EYS: variants seen among roughly 807,000 people sequenced by gnomAD.
EYS encodes the protein EGF-like photoreceptor maintenance factor, also known as protein eyes shut homolog.
Under a neutral mutation model 282.1 loss-of-function variants are expected in EYS, and 250 were observed. The ratio of observed to expected loss-of-function variants is 0.89; its 90% confidence interval spans 0.80 to 0.98. The LOEUF (loss-of-function observed/expected upper bound fraction) is 0.98, where lower values mean the gene tolerates loss of function less well. Ranked by LOEUF, EYS falls within the 50% of genes least tolerant of loss-of-function variation. The pLI is 0.00. For synonymous variants in EYS, 1,355 were observed against 1,282.9 expected, an observed-to-expected ratio of 1.06 and a Z score of -1.20; for missense variants, 4,016 against 3,709.0, an observed-to-expected ratio of 1.08 and a Z score of -2.15.
chr6:65,176,813 T>C (rs1765237293), intron 12 of EYS, among the ~76,000 whole-genome samples: 2 of 151,696 alleles, frequency 1.3e-5, no homozygotes, highest in African/African-American at 2.4e-5. Context: ...GGTAACATCA[T>C]TTGAAATTAT....
intron 8 of EYS, among the ~76,000 whole-genome samples, chr6:65,373,044 G>T (rs1274335138): frequency 6.6e-6 from 1 of 151,960 alleles, no homozygotes; most frequent in Non-Finnish European, 1.5e-5. Flanking sequence ...TATTAAATTT[G>T]TTGGTTTATT....
At chr6:65,569,738 A>G (rs1764411742) in intron 2 of EYS, among the ~76,000 whole-genome samples, 1 of 152,040 alleles carries the variant, frequency 6.6e-6, no homozygotes, top group Non-Finnish European at 1.5e-5. Flanking sequence ...CTCTGATTTT[A>G]TCTCCAACCC....
intron 26 of EYS, among the ~76,000 whole-genome samples, chr6:64,456,281 G>A (rs1446660906): frequency 1.3e-5 from 2 of 152,016 alleles, no homozygotes; most frequent in Admixed American, 1.3e-4. Flanking sequence ...AGTTGAAAAG[G>A]ACTGACTTCA....
intron 31 of EYS, among the ~76,000 whole-genome samples, chr6:64,109,004 C>T (rs1181847225): frequency 2.6e-5 from 4 of 152,032 alleles, no homozygotes; most frequent in Non-Finnish European, 4.4e-5. Flanking sequence ...GTAAAGGTCA[C>T]GTAACACTCT....
rs755852518 is a variant in EYS at position 64,081,836 on chromosome 6, G to C, written c.6571+20C>G. 1 of 1,455,576 alleles carries C rather than the reference G, an allele frequency of 6.9e-7. No homozygotes were observed. The highest frequency in any genetic ancestry group is 1.4e-5 in the South Asian group (1 of 72,348). The allele number at this position is 1,455,576 out of a possible 1,614,324, so 90.2% of individuals were successfully genotyped here. On this transcript the variant is annotated intron_variant, in intron 32 of 42. Coordinates refer to ENST00000503581, the MANE Select transcript of EYS (RefSeq NM_001142800.2). ...GAGAAAGAAACATGACATACAAGAA[G>C]TCAAACATTTAATACTCACTGTAAA...
At chr6:65,442,419 T>C (rs186373868) in intron 5 of EYS, among the ~76,000 whole-genome samples, 5 of 152,180 alleles carry the variant, frequency 3.3e-5, no homozygotes, top group Admixed American at 3.3e-4. Context: ...AAGGCAATTT[T>C]ATTACTTCAT....
intron 1 of EYS, among the ~76,000 whole-genome samples, chr6:65,652,047 T>C (rs1298808011): frequency 6.6e-6 from 1 of 151,838 alleles, no homozygotes; most frequent in Non-Finnish European, 1.5e-5. Flanking sequence ...TTCTGATGTA[T>C]GTAGAATTAA....
At chr6:65,422,427 T>C (rs1265739225) in intron 5 of EYS, among the ~76,000 whole-genome samples, 2 of 151,816 alleles carry the variant, frequency 1.3e-5, no homozygotes, top group Non-Finnish European at 2.9e-5. Context: ...CAGAACCAAA[T>C]TGGATCCACT....
In EYS at chr6:64,441,949, T is replaced by G. The variant is rs1350525726; in HGVS notation, c.5645-2597A>C. 3.9e-5 allele frequency among the ~76,000 whole-genome samples: 6 copies of G among 152,082 alleles called. No individual in the cohort carries two copies. In the East Asian group the frequency reaches 1.2e-3, roughly 29 times the overall value. ...ATGCAGTAAATTGGTACCAGTAGAG[T>G]GGGCACTGCTGAAAAGATACCTGAA... On this transcript the variant is annotated intron_variant, in intron 26 of 42. Coordinates refer to ENST00000503581, the MANE Select transcript of EYS (RefSeq NM_001142800.2).
At chr6:63,966,591 G>GGTGAAA (rs1437560040) in intron 35 of EYS, among the ~76,000 whole-genome samples, 2 of 152,186 alleles carry the variant, frequency 1.3e-5, no homozygotes, top group African/African-American at 4.8e-5. Context: ...AGCAGTAAAG[G>GGTGAAA]GTGAAAGTAT....
At chr6:64,060,730 CT>C (rs890469533) in intron 33 of EYS, among the ~76,000 whole-genome samples, 1 of 151,968 alleles carries the variant, frequency 6.6e-6, no homozygotes, top group Non-Finnish European at 1.5e-5. Context: ...AAAATTAGTC[CT>C]TTTATAAAAC....
At chr6:63,754,647 A>G (rs1769430693) in intron 41 of EYS, among the ~76,000 whole-genome samples, 1 of 152,218 alleles carries the variant, frequency 6.6e-6, no homozygotes, top group African/African-American at 2.4e-5. Flanking sequence ...TGCCACAATA[A>G]ACATACGTGT....
intron 1 of EYS, among the ~76,000 whole-genome samples, chr6:65,649,020 C>T (rs906796512): frequency 6.6e-6 from 1 of 151,510 alleles, no homozygotes; most frequent in Non-Finnish European, 1.5e-5. Flanking sequence ...GTGGCACACA[C>T]CTGTAGTCTC....
intron 30 of EYS, among the ~76,000 whole-genome samples, chr6:64,282,717 C>T (rs962418282): frequency 2.6e-5 from 4 of 152,144 alleles, no homozygotes; most frequent in African/African-American, 9.7e-5. Flanking sequence ...TGGAATAGCA[C>T]CCTAGGTCAA....
At chr6:64,101,848 T>G (rs576911130) in intron 31 of EYS, among the ~76,000 whole-genome samples, 6 of 152,018 alleles carry the variant, frequency 3.9e-5, no homozygotes, top group Admixed American at 1.3e-4. Context: ...TGAGCTTGTT[T>G]TCCTGCAACT....
At chr6:63,734,499 C>T (rs1028905500) in intron 41 of EYS, among the ~76,000 whole-genome samples, 1 of 152,036 alleles carries the variant, frequency 6.6e-6, no homozygotes, top group Non-Finnish European at 1.5e-5. Context: ...GAACAGGGCA[C>T]TCCCTATCAA....
At position 64,332,701 on chromosome 6, in the gene EYS, G is replaced by A. The variant is rs12209072; in HGVS notation, c.6079-25619C>T. Among the ~76,000 whole-genome samples the A allele has an allele frequency of 1.1e-4, 16 of 152,214 alleles. 1 individual carries two copies. The South Asian group carries it at 2.7e-3, about 26-fold the overall frequency. ...GCTCCATCCACACTGGAGGCTGGTC[G>A]GTCCACGCACAGCTGAAGCTTAAGG... On this transcript the variant is annotated intron_variant, in intron 29 of 42. Coordinates refer to ENST00000503581, the MANE Select transcript of EYS (RefSeq NM_001142800.2).
At chr6:64,014,405 G>A (rs1768790603) in intron 33 of EYS, among the ~76,000 whole-genome samples, 1 of 151,822 alleles carries the variant, frequency 6.6e-6, no homozygotes, top group Admixed American at 6.6e-5. Context: ...GTTTCCAAAT[G>A]GTTGGTACTA....
At chr6:65,502,803 T>C (rs920643809) in intron 2 of EYS, among the ~76,000 whole-genome samples, 4 of 151,640 alleles carry the variant, frequency 2.6e-5, no homozygotes, top group Admixed American at 2.6e-4. Flanking sequence ...TGTACAAAAG[T>C]AATATGTACT....
Sources: allele counts gnomAD v4.1 joint callset (sites outside exome capture counted in the v4.1 genomes callset), GRCh38; gene constraint gnomAD v4.1.1; transcripts MANE v1.5; gene names NCBI Gene and HGNC (gene_info 2026-07-23, HGNC 2026-07-21).